Variants in ARHGAP12 observed in about 807,000 individuals in gnomAD.
The protein encoded by ARHGAP12 is Rho GTPase activating protein 12.
In ARHGAP12, 64 loss-of-function variants were observed where a neutral mutation model predicts 108.6. The ratio of observed to expected loss-of-function variants is 0.59; its 90% confidence interval spans 0.48 to 0.73. The LOEUF is 0.73. ARHGAP12 is among the 30% of genes least tolerant of loss of function. The probability of loss-of-function intolerance (pLI) is 0.00; values close to 1 mark genes in which losing one functional copy is unlikely to be tolerated. For missense variants in ARHGAP12, 940 were observed against 1,005.9 expected (o/e 0.93, Z 0.89); for synonymous variants, 312 against 337.2 (o/e 0.93, Z 0.82).
intron 6 of ARHGAP12, among the ~76,000 whole-genome samples, chr10:31,847,819 G>T (rs907146168): frequency 6.6e-6 from 1 of 152,134 alleles, no homozygotes; most frequent in Non-Finnish European, 1.5e-5. Context: ...ATGGCTGACT[G>T]GGCTTCATAA....
chr10:31,920,273 A>G (rs1011834367), intron 1 of ARHGAP12, among the ~76,000 whole-genome samples: 1 of 151,740 alleles, frequency 6.6e-6, no homozygotes, highest in Non-Finnish European at 1.5e-5. Flanking sequence ...CAACATGGTG[A>G]AACCTCACTC....
chr10:31,839,249 C>G (rs1836154995), intron 9 of ARHGAP12, 56 bp downstream of exon 9: 1 of 1,526,066 alleles, frequency 6.6e-7, no homozygotes, highest in African/African-American at 1.4e-5. Context: ...ATATATTTTA[C>G]AGCATAGAAA....
chr10:31,848,353 T>G (rs1188832532), intron 6 of ARHGAP12, among the ~76,000 whole-genome samples: 6 of 152,186 alleles, frequency 3.9e-5, no homozygotes, highest in Admixed American at 3.9e-4. Flanking sequence ...TTTGTTGACA[T>G]GTTGATTTAT....
chr10:31,880,485 C>G (rs946924171), intron 3 of ARHGAP12, among the ~76,000 whole-genome samples: 1 of 146,076 alleles, frequency 6.8e-6, no homozygotes, highest in African/African-American at 2.4e-5. Flanking sequence ...AAAAAAAACA[C>G]TTTTGTTTAA....
intron 1 of ARHGAP12, among the ~76,000 whole-genome samples, chr10:31,921,424 T>C (rs1839801158): frequency 6.6e-6 from 1 of 152,086 alleles, no homozygotes; most frequent in Admixed American, 6.5e-5. Flanking sequence ...CTCACATCAA[T>C]GACATAAGCT....
intron 15 of ARHGAP12, among the ~76,000 whole-genome samples, chr10:31,811,425 G>A (rs1335642399): frequency 6.6e-6 from 1 of 151,856 alleles, no homozygotes; most frequent in Non-Finnish European, 1.5e-5. Context: ...TAAATGTTCA[G>A]GAAAACAAAC....
At chr10:31,811,184 A>G (rs1379233878) in intron 15 of ARHGAP12, among the ~76,000 whole-genome samples, 3 of 152,354 alleles carry the variant, frequency 2.0e-5, no homozygotes, top group Non-Finnish European at 4.4e-5. Context: ...CTACTTGAGT[A>G]TAAGTTTCAT....
intron 3 of ARHGAP12, among the ~76,000 whole-genome samples, chr10:31,899,411 A>G (rs892829195): frequency 1.3e-5 from 2 of 152,224 alleles, no homozygotes; most frequent in Non-Finnish European, 2.9e-5. Context: ...TGGAAAAGCA[A>G]AAGACTTAGA....
At chr10:31,819,462 G>A (rs1275046678) in intron 12 of ARHGAP12, among the ~76,000 whole-genome samples, 1 of 152,178 alleles carries the variant, frequency 6.6e-6, no homozygotes, top group Non-Finnish European at 1.5e-5. Context: ...AGATAATGCT[G>A]CTCTTCTGTC....
intron 3 of ARHGAP12, among the ~76,000 whole-genome samples, chr10:31,880,936 A>T (rs183871967): frequency 1.7e-4 from 26 of 151,010 alleles, no homozygotes; most frequent in Admixed American, 2.6e-4. Context: ...GGTGGCACAC[A>T]CCTGTGGTCC....
chr10:31,857,518 T>C (rs1039399299), intron 4 of ARHGAP12, among the ~76,000 whole-genome samples: 3 of 152,228 alleles, frequency 2.0e-5, no homozygotes, highest in African/African-American at 7.2e-5. Context: ...GGGGCGAGCC[T>C]ATATTCAGAT....
intron 1 of ARHGAP12, among the ~76,000 whole-genome samples, chr10:31,919,164 T>C (rs1839685251): frequency 6.6e-6 from 1 of 152,156 alleles, no homozygotes; most frequent in Non-Finnish European, 1.5e-5. Flanking sequence ...ATAAGGTACC[T>C]AGAGTAGTCA....
intron 3 of ARHGAP12, among the ~76,000 whole-genome samples, chr10:31,900,939 G>GTCTCAGCAGCTCAAGCCTGTAA: frequency 6.6e-6 from 1 of 152,280 alleles, no homozygotes; most frequent in South Asian, 2.1e-4. Flanking sequence ...AACTGGGCCG[G>GTCTCAGCAGCTCAAGCCTGTAA]TCTCAGCAGC....
chr10:31,892,510 A>C (rs2808070), intron 3 of ARHGAP12, among the ~76,000 whole-genome samples: 70,134 of 152,020 alleles, frequency 0.46, 16,451 homozygotes, highest in Middle Eastern at 0.51. Flanking sequence ...CAAAGAAGGC[A>C]ATTACATAAT....
At chr10:31,884,903 A>T (rs555100465) in intron 3 of ARHGAP12, among the ~76,000 whole-genome samples, 1 of 152,344 alleles carries the variant, frequency 6.6e-6, no homozygotes, top group Non-Finnish European at 1.5e-5. Context: ...ATAAATTTTT[A>T]AAAAGCTTGA....
intron 4 of ARHGAP12, among the ~76,000 whole-genome samples, chr10:31,860,533 G>GA (rs1837075176): frequency 1.3e-5 from 2 of 152,176 alleles, no homozygotes; most frequent in South Asian, 4.1e-4. Context: ...ACCAGAAGGA[G>GA]AAAAAGAGTA....
chr10:31,926,325 A>G (rs192452168), intron 1 of ARHGAP12, among the ~76,000 whole-genome samples: 1 of 137,764 alleles, frequency 7.3e-6, no homozygotes, highest in Admixed American at 7.7e-5. Context: ...AGCCGGGGCC[A>G]GCTAACTGAA....
At chr10:31,879,949 AT>A (rs1390302844) in intron 3 of ARHGAP12, among the ~76,000 whole-genome samples, 4 of 152,238 alleles carry the variant, frequency 2.6e-5, no homozygotes, top group East Asian at 3.9e-4. Context: ...GTTAAATCAA[AT>A]TTTTTTCTTA....
At position 31,809,072 on chromosome 10, in the gene ARHGAP12, C is replaced by A; in HGVS notation, c.2185G>T (p.Ala729Ser). The change falls in exon 18 of 20, where the codon GCC becomes TCC. Residue 729 changes from alanine (A) to serine (S), a missense_variant. Physicochemically the swap from Ala to Ser is moderately conservative, Grantham distance 99. Transcript: ENST00000344936. Reference sequence around the variant, plus strand: ...AATTCTCGAAAAAACATTTTGAGGGCTCCAGTAATGACATGAATATCTTCC... The same window carrying A: ...AATTCTCGAAAAAACATTTTGAGGGATCCAGTAATGACATGAATATCTTCC... ...KWEDIHVITG[A>S]LKMFFRELPE... is the part of the protein sequence containing the mutation. 6.2e-7 allele frequency: 1 copy of A among 1,612,744 alleles called. No individual in the cohort carries two copies. Among genetic ancestry groups the A allele is most frequent in the Non-Finnish European group, 8.5e-7 (1 of 1,179,208 alleles).
Sources: gnomAD v4.1 joint callset for allele counts (sites outside exome capture counted in the v4.1 genomes callset) on GRCh38, gnomAD v4.1.1 for gene constraint, MANE v1.5 for transcripts, NCBI Gene and HGNC (gene_info 2026-07-23, HGNC 2026-07-21) for gene names.